The following PCNA variants were observed in gnomAD, a reference collection of about 807,000 sequenced individuals.
The protein encoded by PCNA is DNA sliding clamp PCNA.
PCNA carries 4 observed loss-of-function variants against 27.8 expected under a neutral mutation model. The observed-to-expected ratio is 0.14, with a 90% CI of 0.07 to 0.33. PCNA has a LOEUF of 0.33. PCNA is among the 10% of genes least tolerant of loss of function. PCNA has a pLI of 1.00. For synonymous variants in PCNA, 121 were observed against 119.4 expected, an observed-to-expected ratio of 1.01 and a Z score of -0.09; for missense variants, 165 against 327.4, an observed-to-expected ratio of 0.50 and a Z score of 3.83.
Position 5,119,727 on chromosome 20 carries a change from G to C in PCNA, c.72C>G (p.Asn24Lys), listed in dbSNP as rs779810002. 1.3e-6 allele frequency: 2 copies of C among 1,597,538 alleles called. No individual in the cohort carries two copies. The change falls in exon 1 of 6, where the codon AAC becomes AAG. Residue 24 changes from asparagine (N) to lysine (K), a missense_variant. By Grantham distance (94) the Asn-to-Lys change is moderately conservative (BLOSUM62 0). Transcript: ENST00000379143. ...KVLEALKDLI[N>K]EACWDISSSG... is the part of the protein sequence containing the mutation. ...TGGAGCTAATATCCCAGCAGGCCTC[G>C]TTGATGAGGTCCTTGAGTGCCTCCA...
chr20:5,120,814 CCTTTCTTTTT>C (rs2090513741), upstream of PCNA, among the ~76,000 whole-genome samples: 1 of 151,882 alleles, frequency 6.6e-6, no homozygotes, highest in South Asian at 2.1e-4. Flanking sequence ...CTTTTCTTTT[CCTTTCTTTTT>C]GAGATGGAGT....
upstream of PCNA, among the ~76,000 whole-genome samples, chr20:5,122,241 C>G (rs1375717453): frequency 7.9e-5 from 12 of 152,144 alleles, no homozygotes; most frequent in African/African-American, 2.9e-4. Context: ...CTTGGCCTCC[C>G]AAAGTGCTGG....
chr20:5,116,850 G>T (rs1234852875), intron 4 of PCNA, among the ~76,000 whole-genome samples: 2 of 152,072 alleles, frequency 1.3e-5, no homozygotes, highest in Non-Finnish European at 2.9e-5. Flanking sequence ...ATGGGGTTTT[G>T]CCATGTTCTT....
At chr20:5,117,132 C>T (rs923623254) in intron 4 of PCNA, among the ~76,000 whole-genome samples, 1 of 152,202 alleles carries the variant, frequency 6.6e-6, no homozygotes, top group Non-Finnish European at 1.5e-5. Context: ...TATTGAGCTG[C>T]TGTCCTATGC....
chr20:5,120,831 G>C (rs532684532), upstream of PCNA, among the ~76,000 whole-genome samples: 43 of 152,130 alleles, frequency 2.8e-4, no homozygotes, highest in African/African-American at 1.0e-3. Context: ...TTTTGAGATG[G>C]AGTCCTGCTC....
rs567591139 is a variant in PCNA, at chr20:5,117,170, C to G, written c.582+300G>C. On this transcript the variant is annotated intron_variant, in intron 4 of 5. Transcript: ENST00000379143. The stretch of plus-strand genomic sequence containing the variant: ...AATTATTTGGTAAGAGAGTAAGTAT[C>G]TCCAGAAAGCTAAAGGTTATACGCC... Among the ~76,000 whole-genome samples the G allele has an allele frequency of 4.0e-5, 6 of 150,310 alleles. No individual in the cohort carries two copies. In the South Asian group the frequency reaches 1.2e-3, roughly 31 times the overall value.
intron 3 of PCNA, among the ~76,000 whole-genome samples, chr20:5,118,093 G>A (rs898913798): frequency 1.3e-5 from 2 of 152,152 alleles, no homozygotes; most frequent in African/African-American, 4.8e-5. Context: ...AAGCATTCTA[G>A]AAGGAAACAA....
upstream of PCNA, among the ~76,000 whole-genome samples, chr20:5,121,003 A>G (rs3730414): frequency 0.021 from 3,127 of 151,848 alleles, 97 homozygotes; most frequent in African/African-American, 0.069. Flanking sequence ...ATTTTTTTTT[A>G]GTAGAGACGG....
At chr20:5,121,756 G>A (rs2090519559), upstream of PCNA, among the ~76,000 whole-genome samples, 1 of 150,634 alleles carries the variant, frequency 6.6e-6, no homozygotes, top group African/African-American at 2.4e-5. Context: ...CTCCCAAATA[G>A]CTGGGACTAC....
At chr20:5,120,036 C>A (rs980208384), upstream of PCNA, 5 of 547,080 alleles carry the variant, frequency 9.1e-6, no homozygotes, top group Non-Finnish European at 1.7e-5. Context: ...CACGGCCTTG[C>A]GGGGAAGACT....
At chr20:5,120,227 C>G (rs2090509838), upstream of PCNA, among the ~76,000 whole-genome samples, 1 of 152,240 alleles carries the variant, frequency 6.6e-6, no homozygotes, top group Non-Finnish European at 1.5e-5. Context: ...CTCGTCAAGC[C>G]CCAGCTTTAT....
At chr20:5,120,420 A>G (rs2090511194), upstream of PCNA, among the ~76,000 whole-genome samples, 5 of 152,242 alleles carry the variant, frequency 3.3e-5, no homozygotes, top group Non-Finnish European at 5.9e-5. Context: ...GTCACAAGAT[A>G]AAGAGGTGAA....
At chr20:5,126,418 C>T (rs548034200) in intron 1 of PCNA, 1 of 152,294 alleles carries the variant, frequency 6.6e-6, no homozygotes, top group African/African-American at 2.4e-5. Flanking sequence ...TTTCATTTCT[C>T]ATCATGTGAT....
chr20:5,116,403 G>A (rs558031330), intron 4 of PCNA, among the ~76,000 whole-genome samples: 49 of 152,162 alleles, frequency 3.2e-4, no homozygotes, highest in African/African-American at 1.2e-3. Context: ...AACAGATAAA[G>A]AATCAGCTCC....
At chr20:5,116,746 C>A (rs146106673) in intron 4 of PCNA, among the ~76,000 whole-genome samples, 9 of 152,114 alleles carry the variant, frequency 5.9e-5, no homozygotes, top group Admixed American at 5.9e-4. Context: ...TCCGCCTCCT[C>A]GGTTCAAGTC....
chr20:5,121,788 GC>G (rs2090519795), upstream of PCNA, among the ~76,000 whole-genome samples: 1 of 151,590 alleles, frequency 6.6e-6, no homozygotes, highest in African/African-American at 2.4e-5. Context: ...ACTGTACCTG[GC>G]TAATTTTTAA....
chr20:5,121,780 T>G (rs1477439391), upstream of PCNA, among the ~76,000 whole-genome samples: 1 of 151,466 alleles, frequency 6.6e-6, no homozygotes, highest in East Asian at 2.0e-4. Flanking sequence ...GGTGCACCAC[T>G]GTACCTGGCT....
intron 4 of PCNA, 100 bp from the exon 5 acceptor site, chr20:5,115,672 C>A: frequency 3.1e-6 from 3 of 959,724 alleles, no homozygotes; most frequent in Non-Finnish European, 4.6e-6. Context: ...GTATTGGTCA[C>A]TTTGGAGGGA....
rs566507313 is a variant in PCNA, at chr20:5,118,510, A to C, written c.387+100T>G. ...GGCACTACTGCACTCCAGCCTGGGC[A>C]ACAGAGCCAAGACCCTGTCTGTAAA... is the stretch of plus-strand genomic sequence containing the variant. On this transcript the variant is annotated intron_variant, in intron 3 of 5. Coordinates refer to ENST00000379143, the MANE Select transcript of PCNA (RefSeq NM_182649.2). 1.7e-4 allele frequency: 147 copies of C among 863,374 alleles called. 1 individual carries two copies. In the South Asian group the frequency reaches 2.2e-3, roughly 13 times the overall value. The allele number at this position is 863,374 out of a possible 1,614,324, so 53.5% of individuals were successfully genotyped here. A position where few individuals can be genotyped will look rare whatever the true frequency, so the allele number is the denominator to read the frequency against.
Sources: allele counts gnomAD v4.1 joint callset (sites outside exome capture counted in the v4.1 genomes callset), GRCh38; gene constraint gnomAD v4.1.1; transcripts MANE v1.5; gene names NCBI Gene and HGNC (gene_info 2026-07-23, HGNC 2026-07-21).